SLC1A3: variants seen among roughly 807,000 people sequenced by gnomAD.
The protein encoded by SLC1A3 is solute carrier family 1 member 3, also known as excitatory amino acid transporter 1.
A neutral mutation model predicts 48.1 loss-of-function variants in SLC1A3; 21 were observed. The ratio of observed to expected loss-of-function variants is 0.44; its 90% CI spans 0.31 to 0.63. The LOEUF (loss-of-function observed/expected upper bound fraction) is 0.63, where lower values mean the gene tolerates loss of function less well. Among genes scored for constraint, SLC1A3 ranks in the 20% least tolerant of loss-of-function variants. The pLI, the probability that SLC1A3 is intolerant of heterozygous loss-of-function variation, is 0.08. For missense variants in SLC1A3, 546 were observed against 689.0 expected, an observed-to-expected ratio of 0.79 and a Z score of 2.32; for synonymous variants, 239 against 251.4, an observed-to-expected ratio of 0.95 and a Z score of 0.47.
At chr5:36,624,346 G>A (rs894579991) in intron 2 of SLC1A3, among the ~76,000 whole-genome samples, 5 of 152,206 alleles carry the variant, frequency 3.3e-5, no homozygotes, top group African/African-American at 9.7e-5. Flanking sequence ...GAGAGGCTGC[G>A]AGGACAGTAG....
At chr5:36,602,551 A>G (rs993314941), upstream of SLC1A3, among the ~76,000 whole-genome samples, 8 of 152,346 alleles carry the variant, frequency 5.3e-5, no homozygotes, top group South Asian at 1.4e-3. Flanking sequence ...TTTCAATATA[A>G]ATAATAATTG....
chr5:36,652,455 G>C (rs1173642825), intron 3 of SLC1A3, among the ~76,000 whole-genome samples: 3 of 152,162 alleles, frequency 2.0e-5, no homozygotes, highest in Non-Finnish European at 4.4e-5. Context: ...TTCAAGGGGA[G>C]AAAGGGCATC....
intron 2 of SLC1A3, among the ~76,000 whole-genome samples, chr5:36,612,172 T>C (rs547969807): frequency 6.6e-6 from 1 of 152,100 alleles, no homozygotes; most frequent in Non-Finnish European, 1.5e-5. Context: ...CTCCTTTCTC[T>C]GATATTGATC....
chr5:36,608,935 C>A, intron 2 of SLC1A3: 1 of 1,041,756 alleles, frequency 9.6e-7, no homozygotes, highest in Non-Finnish European at 1.2e-6. Context: ...TAGATTTGGC[C>A]AAAATGTAAT....
rs1358289217 is a variant in SLC1A3 at position 36,686,307 on chromosome 5, T to C, written c.*38T>C. The C allele has an allele frequency of 6.9e-7, 1 of 1,452,280 alleles. No individual in the cohort carries two copies. The highest frequency in any genetic ancestry group is 1.4e-5 in the African/African-American group (1 of 71,768). 90.0% of individuals were successfully genotyped at this position (1,452,280 alleles called of 1,614,324 possible). A position where few individuals can be genotyped will look rare whatever the true frequency, so the allele number is the denominator to read the frequency against. On this transcript the variant is annotated 3_prime_UTR_variant, in exon 10 of 10. Coordinates refer to ENST00000265113, the MANE Select transcript of SLC1A3 (RefSeq NM_004172.5). ...AAACACTTTCTTGAGCACCAGGTGT[T>C]AAAAACCATTATAAAATCTTTCCAT...
upstream of SLC1A3, among the ~76,000 whole-genome samples, chr5:36,605,107 C>T (rs576374216): frequency 6.6e-6 from 1 of 152,192 alleles, no homozygotes; most frequent in Admixed American, 6.5e-5. Context: ...AATATTATTC[C>T]ACCCACTTAA....
intron 3 of SLC1A3, among the ~76,000 whole-genome samples, chr5:36,643,233 G>C (rs957019182): frequency 4.6e-5 from 7 of 152,160 alleles, no homozygotes; most frequent in Non-Finnish European, 1.0e-4. Flanking sequence ...GAATTACCAT[G>C]CCATTTTCCA....
chr5:36,676,794 A>T, intron 5 of SLC1A3, 98 bp from the exon 6 acceptor site: 1 of 895,944 alleles, frequency 1.1e-6, no homozygotes, highest in Non-Finnish European at 1.7e-6. Flanking sequence ...ACAAAGTAAC[A>T]GAGTAACAGT....
chr5:36,598,907 A>G (rs2562572), intron 1 of SLC1A3, among the ~76,000 whole-genome samples: 82,775 of 152,014 alleles, frequency 0.54, 22,988 homozygotes, highest in East Asian at 0.71. Context: ...GGATTACAAG[A>G]GTGAGCCATG....
chr5:36,619,894 T>C (rs2111713105), intron 2 of SLC1A3, among the ~76,000 whole-genome samples: 1 of 152,388 alleles, frequency 6.6e-6, no homozygotes, highest in South Asian at 2.1e-4. Context: ...GATGAATTAG[T>C]ATAAAGCAGC....
intron 5 of SLC1A3, among the ~76,000 whole-genome samples, chr5:36,674,894 T>A (rs937888747): frequency 6.6e-6 from 1 of 152,200 alleles, no homozygotes; most frequent in Non-Finnish European, 1.5e-5. Flanking sequence ...CAAGCAACTC[T>A]TGGCTCTGTG....
chr5:36,665,272 T>C (rs578044824), intron 3 of SLC1A3, among the ~76,000 whole-genome samples: 2 of 149,934 alleles, frequency 1.3e-5, no homozygotes, highest in Non-Finnish European at 3.0e-5. Flanking sequence ...AAAACACTAA[T>C]AAGAATGGCT....
chr5:36,631,866 T>C (rs1740146220), intron 3 of SLC1A3, among the ~76,000 whole-genome samples: 1 of 152,240 alleles, frequency 6.6e-6, no homozygotes, highest in Non-Finnish European at 1.5e-5. Context: ...GAGGAACTTC[T>C]ACAAATTACA....
At chr5:36,604,426 G>A (rs1453839510), upstream of SLC1A3, among the ~76,000 whole-genome samples, 1 of 152,106 alleles carries the variant, frequency 6.6e-6, no homozygotes, top group East Asian at 1.9e-4. Context: ...AACCCAGGAG[G>A]CCCCCAGGCA....
intron 3 of SLC1A3, among the ~76,000 whole-genome samples, chr5:36,651,987 G>T (rs1310471897): frequency 1.3e-5 from 2 of 152,070 alleles, no homozygotes; most frequent in African/African-American, 4.8e-5. Context: ...AACCAACACC[G>T]GACTCTTGAC....
chr5:36,632,123 A>G (rs1179759978), intron 3 of SLC1A3, among the ~76,000 whole-genome samples: 1 of 152,224 alleles, frequency 6.6e-6, no homozygotes, highest in Non-Finnish European at 1.5e-5. Flanking sequence ...AGGGACAAGT[A>G]TGATGATAAA....
In SLC1A3 at chr5:36,671,163, A is replaced by C. The variant is rs1741978450; in HGVS notation, c.454A>C (p.Lys152Gln). Residue 152 changes from lysine (K) to glutamine (Q), a missense_variant, in exon 4 of 10, where the codon AAG becomes CAG. By Grantham distance (53) the Lys-to-Gln change is moderately conservative. This residue lies in a region of SLC1A3 where 348 missense variants were observed against 392.0 expected (regional missense o/e 0.89). Transcript: ENST00000265113. ...CATCATCCATCCTGGGAAGGGCACA[A>C]AGGAAAACATGCACAGAGAAGGCAA... ...VIIIHPGKGTKENMHREGKIV... is the reference protein window; with the variant it reads ...VIIIHPGKGTQENMHREGKIV... 6.2e-7 allele frequency: 1 copy of C among 1,613,952 alleles called. No homozygotes were observed. Among genetic ancestry groups the C allele is most frequent in the Non-Finnish European group, 8.5e-7 (1 of 1,179,862 alleles).
At chr5:36,645,486 C>T (rs1010816417) in intron 3 of SLC1A3, among the ~76,000 whole-genome samples, 1 of 151,972 alleles carries the variant, frequency 6.6e-6, no homozygotes, top group Non-Finnish European at 1.5e-5. Context: ...CCACCACGCC[C>T]AGTTAATTTT....
chr5:36,675,842 A>G (rs1175278999), intron 5 of SLC1A3, among the ~76,000 whole-genome samples: 1 of 152,214 alleles, frequency 6.6e-6, no homozygotes, highest in African/African-American at 2.4e-5. Context: ...AAACTTTTCC[A>G]TTAACCCTTG....
Sources: gnomAD v4.1 joint callset for allele counts (sites outside exome capture counted in the v4.1 genomes callset) on GRCh38, gnomAD v4.1.1 for gene constraint, gnomAD v4.1.1 regional missense constraint, MANE v1.5 for transcripts, NCBI Gene and HGNC (gene_info 2026-07-23, HGNC 2026-07-21) for gene names.